RAP1GAP2: variants seen among roughly 807,000 people sequenced by gnomAD.
RAP1GAP2 encodes RAP1 GTPase activating protein 2.
RAP1GAP2 carries 27 observed loss-of-function variants against 95.0 expected under a neutral mutation model. That is an observed-to-expected ratio of 0.28 (90% CI 0.21 to 0.39). The LOEUF (loss-of-function observed/expected upper bound fraction) is 0.39, where lower values mean the gene tolerates loss of function less well. Ranked by LOEUF, RAP1GAP2 falls within the 10% of genes least tolerant of loss-of-function variation. RAP1GAP2 has a pLI of 1.00. For missense variants in RAP1GAP2, 771 were observed against 970.0 expected, an observed-to-expected ratio of 0.79 and a Z score of 2.72; for synonymous variants, 373 against 380.9, an observed-to-expected ratio of 0.98 and a Z score of 0.24.
chr17:2,860,579 A>G (rs1033154310), intron 2 of RAP1GAP2, among the ~76,000 whole-genome samples: 1 of 142,762 alleles, frequency 7.0e-6, no homozygotes, highest in East Asian at 2.0e-4. Context: ...TAGACTTTCC[A>G]TTATACTTAT....
At chr17:3,025,115 G>T (rs917285537) in intron 19 of RAP1GAP2, among the ~76,000 whole-genome samples, 1 of 152,170 alleles carries the variant, frequency 6.6e-6, no homozygotes, top group South Asian at 2.1e-4. Context: ...GGTGGCTCAC[G>T]CCTGTAATCT....
intron 2 of RAP1GAP2, among the ~76,000 whole-genome samples, chr17:2,893,154 A>C (rs532216288): frequency 1.1e-4 from 17 of 151,492 alleles, no homozygotes; most frequent in Admixed American, 9.2e-4. Flanking sequence ...CAGCCTCCCA[A>C]CTAGCTGGGA....
intron 1 of RAP1GAP2, among the ~76,000 whole-genome samples, chr17:2,767,451 G>A (rs1203197016): frequency 6.8e-6 from 1 of 146,258 alleles, no homozygotes; most frequent in Non-Finnish European, 1.5e-5. Context: ...ACTTTCCCAT[G>A]CCCTCATCCA....
intron 2 of RAP1GAP2, among the ~76,000 whole-genome samples, chr17:2,848,792 G>T (rs936927521): frequency 1.3e-5 from 2 of 152,186 alleles, no homozygotes; most frequent in African/African-American, 2.4e-5. Context: ...GGGATTACAG[G>T]CGTGAGCCAC....
intron 19 of RAP1GAP2, among the ~76,000 whole-genome samples, chr17:3,021,007 A>G (rs992523567): frequency 2.0e-5 from 3 of 152,158 alleles, no homozygotes; most frequent in Non-Finnish European, 4.4e-5. Context: ...CATATATTAC[A>G]TTACATTGAA....
chr17:2,943,089 A>T (rs1161137348), intron 3 of RAP1GAP2, among the ~76,000 whole-genome samples: 1 of 152,032 alleles, frequency 6.6e-6, no homozygotes, highest in Non-Finnish European at 1.5e-5. Context: ...ATATTTGATC[A>T]TCCCCAAATA....
chr17:2,849,695 G>A (rs1482776764), intron 2 of RAP1GAP2, among the ~76,000 whole-genome samples: 1 of 152,220 alleles, frequency 6.6e-6, no homozygotes, highest in Non-Finnish European at 1.5e-5. Flanking sequence ...CTGGGACTGT[G>A]AGCTTTGGAG....
chr17:2,995,121 G>A (rs2045908279), intron 12 of RAP1GAP2, among the ~76,000 whole-genome samples: 1 of 152,006 alleles, frequency 6.6e-6, no homozygotes, highest in Non-Finnish European at 1.5e-5. Context: ...GGCCAGCTTT[G>A]TCTAAATAAT....
At position 3,033,402 on chromosome 17, in the gene RAP1GAP2, C is replaced by T. The variant is rs2047390497; in HGVS notation, c.*41C>T. 6.5e-6 allele frequency: 1 copy of T among 153,078 alleles called. No homozygotes were observed. The highest frequency in any genetic ancestry group is 6.5e-5 in the Admixed American group (1 of 15,288). The allele number at this position is 153,078 out of a possible 1,614,324, so 9.5% of individuals were successfully genotyped here. On this transcript the variant is annotated 3_prime_UTR_variant, in exon 25 of 25. Transcript: ENST00000254695. This position sits in a 1 kb window ranked among gnomAD's most constrained non-coding sequence, Gnocchi z 4.9. ...TCCTTGTCTCCTCAGGGAATCCCCT[C>T]TTCTGTCCTGGAAAAGGCTCCTGTA...
intron 1 of RAP1GAP2, 166 bp from the exon 2 acceptor site, chr17:2,800,349 A>G: frequency 1.3e-6 from 1 of 745,710 alleles, no homozygotes; most frequent in Non-Finnish European, 1.6e-6. Context: ...CCCAGCACTC[A>G]GAGGCGTCTC....
chr17:2,759,957 C>T (rs902313717), intron 1 of RAP1GAP2, among the ~76,000 whole-genome samples: 2 of 152,102 alleles, frequency 1.3e-5, no homozygotes, highest in Non-Finnish European at 2.9e-5. Flanking sequence ...GCCAACCTGA[C>T]CTCCAAAGAA....
intron 1 of RAP1GAP2, among the ~76,000 whole-genome samples, chr17:2,787,655 T>A (rs1010868732): frequency 6.6e-6 from 1 of 151,910 alleles, no homozygotes; most frequent in Admixed American, 6.6e-5. Flanking sequence ...GCAAGCTGCC[T>A]CTCCCAGGTT....
At chr17:2,954,128 G>C (rs554466357) in intron 3 of RAP1GAP2, among the ~76,000 whole-genome samples, 3 of 152,154 alleles carry the variant, frequency 2.0e-5, no homozygotes, top group Middle Eastern at 3.4e-3. Flanking sequence ...TTTTTGAGAT[G>C]GAGTCTCACT....
In RAP1GAP2 at chr17:2,961,866, C is replaced by G. The variant is rs118013881; in HGVS notation, c.202-804C>G. On this transcript the variant is annotated intron_variant, in intron 4 of 24. Coordinates refer to ENST00000254695, the MANE Select transcript of RAP1GAP2 (RefSeq NM_015085.5). ...GCATGACTTCCTATGTTTCCCTTCC[C>G]TTACTGGCTCTGTGACCCTAAGGAT... Among the ~76,000 whole-genome samples, 1,337 of 151,706 alleles carry G rather than the reference C, an allele frequency of 8.8e-3. 99 individuals carry two copies. In the East Asian group the frequency reaches 0.18, roughly 20 times the overall value.
intron 2 of RAP1GAP2, among the ~76,000 whole-genome samples, chr17:2,865,516 CTGCAGCCT>C (rs890018879): frequency 2.6e-5 from 4 of 152,190 alleles, no homozygotes; most frequent in African/African-American, 9.7e-5. Flanking sequence ...AAGGTCCCGG[CTGCAGCCT>C]GGGTTACCTG....
At chr17:2,795,023 A>G (rs1245655950), upstream of RAP1GAP2, among the ~76,000 whole-genome samples, 1 of 151,632 alleles carries the variant, frequency 6.6e-6, no homozygotes, top group Non-Finnish European at 1.5e-5. Flanking sequence ...GATTATAGGT[A>G]CCTGCCATCA....
intron 22 of RAP1GAP2, among the ~76,000 whole-genome samples, chr17:3,030,117 A>G (rs1442301611): frequency 2.0e-5 from 3 of 147,536 alleles, no homozygotes; most frequent in Non-Finnish European, 4.5e-5. Context: ...ATATATGTAT[A>G]TATTATATAT....
rs117841404 is a variant in RAP1GAP2 at position 2,930,282 on chromosome 17, G to C, written c.165+24914G>C. 4.6e-3 allele frequency among the ~76,000 whole-genome samples: 697 copies of C among 152,338 alleles called. 31 individuals carry two copies. The East Asian group carries it at 0.12, about 25-fold the overall frequency. ...CCATCAGTACCACGTGGGAGCCTGT[G>C]GCTGGGGCTGGGGGTCTGGGGAGGG... On this transcript the variant is annotated intron_variant, in intron 3 of 24. Coordinates refer to ENST00000254695, the MANE Select transcript of RAP1GAP2 (RefSeq NM_015085.5).
At position 3,004,395 on chromosome 17, in the gene RAP1GAP2, ACT is replaced by A. The variant is rs2151602820; in HGVS notation, c.1201-971_1201-970del. Among the ~76,000 whole-genome samples, 1 of 152,052 alleles carries A rather than the reference ACT, an allele frequency of 6.6e-6. No individual in the cohort carries two copies. Among genetic ancestry groups the A allele is most frequent in the East Asian group, 1.9e-4 (1 of 5,168 alleles). Reference sequence around the variant, plus strand: ...GCTGCCTGCTCACCCGGCCTGGCAGACTCTGCATCTGCTCCACTTCACAGGCC... The same window carrying A: ...GCTGCCTGCTCACCCGGCCTGGCAGACTGCATCTGCTCCACTTCACAGGCC... On this transcript the variant is annotated intron_variant, in intron 14 of 24. Coordinates refer to ENST00000254695, the MANE Select transcript of RAP1GAP2 (RefSeq NM_015085.5). The surrounding 1 kb of genome is among the most constrained non-coding windows in gnomAD (Gnocchi z 4.1).
Sources: gnomAD v4.1 joint callset for allele counts (sites outside exome capture counted in the v4.1 genomes callset) on GRCh38, gnomAD v4.1.1 for gene constraint, Gnocchi (gnomAD v3.1) non-coding constraint, MANE v1.5 for transcripts, NCBI Gene and HGNC (gene_info 2026-07-23, HGNC 2026-07-21) for gene names.